Variants in ESRRB observed in about 807,000 individuals in gnomAD.
ESRRB encodes the protein estrogen related receptor beta.
ESRRB carries 16 observed loss-of-function variants against 46.0 expected under a neutral mutation model. The ratio of observed to expected loss-of-function variants is 0.35; its 90% CI spans 0.24 to 0.53. The LOEUF is 0.53. Ranked by LOEUF, ESRRB falls within the 20% of genes least tolerant of loss-of-function variation. ESRRB has a pLI of 0.93. For missense variants in ESRRB, 488 were observed against 607.4 expected, an observed-to-expected ratio of 0.80 and a Z score of 2.07; for synonymous variants, 246 against 259.6, an observed-to-expected ratio of 0.95 and a Z score of 0.50.
intron 1 of ESRRB, among the ~76,000 whole-genome samples, chr14:76,425,512 C>T (rs748585814): frequency 3.3e-5 from 5 of 151,802 alleles, no homozygotes; most frequent in Non-Finnish European, 5.9e-5. Flanking sequence ...GCCCCTCCCT[C>T]CTCACCTCCT....
At chr14:76,430,791 G>C (rs1018808023) in intron 1 of ESRRB, among the ~76,000 whole-genome samples, 1 of 152,232 alleles carries the variant, frequency 6.6e-6, no homozygotes, top group Non-Finnish European at 1.5e-5. Context: ...CCAGCTGCTT[G>C]TTCCAGTTCT....
At chr14:76,418,792 T>G (rs1260424923) in intron 1 of ESRRB, among the ~76,000 whole-genome samples, 1 of 152,104 alleles carries the variant, frequency 6.6e-6, no homozygotes, top group African/African-American at 2.4e-5. Context: ...ATTTTTCTAT[T>G]TTTAGTAGAA....
chr14:76,369,659 T>C (rs1208083237), upstream of ESRRB, among the ~76,000 whole-genome samples: 1 of 152,172 alleles, frequency 6.6e-6, no homozygotes, highest in Non-Finnish European at 1.5e-5. Context: ...AAAAATAAAA[T>C]GCATTTTATT....
intron 2 of ESRRB, among the ~76,000 whole-genome samples, chr14:76,456,038 G>GCACA (rs60824171): frequency 0.11 from 14,415 of 137,024 alleles, 827 homozygotes; most frequent in East Asian, 0.17. Context: ...AGCGAAACTC[G>GCACA]CACACACACA....
chr14:76,453,522 A>C (rs1160698924), intron 2 of ESRRB, among the ~76,000 whole-genome samples: 1 of 152,100 alleles, frequency 6.6e-6, no homozygotes, highest in African/African-American at 2.4e-5. Flanking sequence ...TATTTTAACC[A>C]ATCTGTTTTT....
chr14:76,402,791 C>G (rs1885999547), intron 1 of ESRRB, among the ~76,000 whole-genome samples: 1 of 152,148 alleles, frequency 6.6e-6, no homozygotes, highest in African/African-American at 2.4e-5. Context: ...GCCTCAGCCT[C>G]CTAAGTAGCT....
At chr14:76,360,402 A>C (rs1884448606) in intron 1 of ESRRB, among the ~76,000 whole-genome samples, 1 of 151,552 alleles carries the variant, frequency 6.6e-6, no homozygotes, top group Non-Finnish European at 1.5e-5. Flanking sequence ...AAGGAGAGGG[A>C]GAGGGAGAGA....
At chr14:76,491,747 G>T in intron 6 of ESRRB, 31 bp downstream of exon 6, 3 of 1,551,434 alleles carry the variant, frequency 1.9e-6, no homozygotes, top group Non-Finnish European at 2.6e-6. Flanking sequence ...TGGAAGGGGA[G>T]CTTCTAGGGC....
At chr14:76,471,322 C>A (rs1344596728) in intron 3 of ESRRB, among the ~76,000 whole-genome samples, 1 of 152,188 alleles carries the variant, frequency 6.6e-6, no homozygotes, top group Non-Finnish European at 1.5e-5. Context: ...CTGTTTAATC[C>A]CCCTAGCAGT....
intron 1 of ESRRB, among the ~76,000 whole-genome samples, chr14:76,433,125 C>A (rs1270468235): frequency 6.6e-6 from 1 of 152,164 alleles, no homozygotes; most frequent in African/African-American, 2.4e-5. Flanking sequence ...CTGTAGATTT[C>A]TTGGGCCCTG....
At chr14:76,443,811 T>C (rs1220485688) in intron 2 of ESRRB, among the ~76,000 whole-genome samples, 1 of 152,208 alleles carries the variant, frequency 6.6e-6, no homozygotes, top group Non-Finnish European at 1.5e-5. Flanking sequence ...GAAAGATTCG[T>C]AAATAGTCTT....
rs111785468 is a variant in ESRRB at position 76,312,822 on chromosome 14, G to C, written c.2+1906G>C. On this transcript the variant is annotated intron_variant, in intron 1 of 6. Transcript: ENST00000512784. ...ATCAGAGAAGATTGCTATTGGCAAA[G>C]CTGAACTTCTAGGACTTTCAGATCT... Among the ~76,000 whole-genome samples, 1,335 of 152,246 alleles carry C rather than the reference G, an allele frequency of 8.8e-3. 9 individuals are homozygous for C. Among genetic ancestry groups the C allele is most frequent in the Non-Finnish European group, 0.014 (974 of 68,018 alleles).
At chr14:76,443,580 G>A (rs1380440528) in intron 2 of ESRRB, among the ~76,000 whole-genome samples, 1 of 152,142 alleles carries the variant, frequency 6.6e-6, no homozygotes, top group Non-Finnish European at 1.5e-5. Context: ...TCTTGGAGAG[G>A]TTGCCATTAT....
At chr14:76,364,423 T>C (rs1884497898) in intron 1 of ESRRB, among the ~76,000 whole-genome samples, 2 of 152,164 alleles carry the variant, frequency 1.3e-5, no homozygotes, top group Admixed American at 1.3e-4. Flanking sequence ...GCGCAGTGGC[T>C]CACGCCTGTA....
In ESRRB at chr14:76,359,885, T is replaced by C. The variant is rs563975444; in HGVS notation, c.2+48969T>C. ...CTCTTGGGAGTGAAAGAAAAGCAACTGACACAGCAGAAGCCCCAAAGGCTC... is the reference window on the plus strand; with the variant it reads ...CTCTTGGGAGTGAAAGAAAAGCAACCGACACAGCAGAAGCCCCAAAGGCTC... On this transcript the variant is annotated intron_variant, in intron 1 of 6. Coordinates refer to the ESRRB transcript ENST00000512784. Among the ~76,000 whole-genome samples, 3 of 152,246 alleles carry C rather than the reference T, an allele frequency of 2.0e-5. No homozygotes were observed. The South Asian group carries it at 6.2e-4, about 32-fold the overall frequency.
chr14:76,323,401 T>C (rs527307664), intron 1 of ESRRB, among the ~76,000 whole-genome samples: 1 of 151,834 alleles, frequency 6.6e-6, no homozygotes, highest in African/African-American at 2.4e-5. Context: ...CATTGACCTC[T>C]TGGGCTCAAG....
intron 1 of ESRRB, among the ~76,000 whole-genome samples, chr14:76,322,552 C>G (rs1343619631): frequency 6.6e-6 from 1 of 152,168 alleles, no homozygotes; most frequent in Non-Finnish European, 1.5e-5. Context: ...TGTTTCACAT[C>G]TTGTGTTTTT....
At chr14:76,346,429 C>G (rs1884250857) in intron 1 of ESRRB, among the ~76,000 whole-genome samples, 1 of 152,358 alleles carries the variant, frequency 6.6e-6, no homozygotes, top group Non-Finnish European at 1.5e-5. Flanking sequence ...CCATCCCTGG[C>G]TCACCCAGGG....
chr14:76,360,468 T>C (rs1432934971), intron 1 of ESRRB, among the ~76,000 whole-genome samples: 2 of 152,114 alleles, frequency 1.3e-5, no homozygotes, highest in Non-Finnish European at 2.9e-5. Context: ...CCAACTTTGC[T>C]GTAGCAGGCT....
Sources: gnomAD v4.1 joint callset for allele counts (sites outside exome capture counted in the v4.1 genomes callset) on GRCh38, gnomAD v4.1.1 for gene constraint, MANE v1.5 for transcripts, NCBI Gene and HGNC (gene_info 2026-07-23, HGNC 2026-07-21) for gene names.